The following MGAT5 variants were observed in gnomAD, a reference collection of about 807,000 sequenced individuals.
MGAT5 encodes alpha-1,6-mannosylglycoprotein 6-beta-N-acetylglucosaminyltransferase.
Under a neutral mutation model 94.3 loss-of-function variants are expected in MGAT5, and 30 were observed. The ratio of observed to expected loss-of-function variants is 0.32; its 90% CI spans 0.24 to 0.43. The LOEUF is 0.43. Among genes scored for constraint, MGAT5 ranks in the 20% least tolerant of loss-of-function variants. The pLI is 1.00. For synonymous variants in MGAT5, 310 were observed against 322.9 expected, an observed-to-expected ratio of 0.96 and a Z score of 0.43; for missense variants, 691 against 905.5, an observed-to-expected ratio of 0.76 and a Z score of 3.04.
At chr2:134,295,318 A>G (rs1455582878) in intron 2 of MGAT5, among the ~76,000 whole-genome samples, 2 of 152,140 alleles carry the variant, frequency 1.3e-5, no homozygotes, top group East Asian at 3.9e-4. Flanking sequence ...AGAAGTGACT[A>G]AGGTTGGCAG....
At chr2:134,177,883 G>C (rs1229000758) in intron 1 of MGAT5, among the ~76,000 whole-genome samples, 1 of 152,126 alleles carries the variant, frequency 6.6e-6, no homozygotes, top group African/African-American at 2.4e-5. Context: ...AGTAGTGCTC[G>C]GTTCTCAAAA....
intron 1 of MGAT5, among the ~76,000 whole-genome samples, chr2:134,202,272 C>T (rs906535349): frequency 2.6e-5 from 4 of 152,202 alleles, no homozygotes; most frequent in Non-Finnish European, 5.9e-5. Context: ...AGGTGTGGGG[C>T]CTTTCAGGCC....
chr2:134,280,560 C>T (rs1684628343), intron 2 of MGAT5, among the ~76,000 whole-genome samples: 1 of 152,242 alleles, frequency 6.6e-6, no homozygotes, highest in Non-Finnish European at 1.5e-5. Flanking sequence ...TCAACGTTTA[C>T]TGTGGAAACT....
chr2:134,221,533 G>A (rs1179280663), intron 1 of MGAT5, among the ~76,000 whole-genome samples: 1 of 152,156 alleles, frequency 6.6e-6, no homozygotes, highest in Non-Finnish European at 1.5e-5. Context: ...CTGGCTCTTA[G>A]TTGATTATCT....
chr2:134,126,031 G>A (rs534498902), intron 1 of MGAT5, among the ~76,000 whole-genome samples: 1 of 152,280 alleles, frequency 6.6e-6, no homozygotes, highest in East Asian at 1.9e-4. Context: ...TCTGATAATC[G>A]GTGCCTGTGA....
Position 134,429,518 on chromosome 2 carries a change from T to C in MGAT5, c.1869+1079T>C, listed in dbSNP as rs560522546. On this transcript the variant is annotated intron_variant, in intron 14 of 15. Coordinates refer to ENST00000281923, the MANE Select transcript of MGAT5 (RefSeq NM_002410.5). ...CTCTCTATGCCTTAGTTTCCTTGTCTGTAAAATAAGGATGATGCTAATAGG... is the reference window on the plus strand; with the variant it reads ...CTCTCTATGCCTTAGTTTCCTTGTCCGTAAAATAAGGATGATGCTAATAGG... Among the ~76,000 whole-genome samples, 19 of 152,334 alleles carry C rather than the reference T, an allele frequency of 1.2e-4. No homozygotes were observed. The South Asian group carries it at 3.9e-3, about 32-fold the overall frequency.
At chr2:134,125,061 T>C (rs927202044) in intron 1 of MGAT5, among the ~76,000 whole-genome samples, 3 of 152,170 alleles carry the variant, frequency 2.0e-5, no homozygotes, top group Non-Finnish European at 4.4e-5. Flanking sequence ...GAGTGTGTTA[T>C]GTTGGTGATC....
chr2:134,255,707 G>C lies in MGAT5; in HGVS notation c.241+1063G>C, dbSNP rs75731575. Among the ~76,000 whole-genome samples the C allele has an allele frequency of 4.8e-3, 732 of 152,236 alleles. 23 individuals carry two copies. The East Asian group carries it at 0.1, about 21-fold the overall frequency. On this transcript the variant is annotated intron_variant, in intron 1 of 15. Coordinates refer to ENST00000281923, the MANE Select transcript of MGAT5 (RefSeq NM_002410.5). ...TCTCACTGAAGTGGTCTCCCTGATA[G>C]TATAGATGAGATGCAAGAATGGGGT...
At chr2:134,279,921 A>G (rs1376493068) in intron 2 of MGAT5, among the ~76,000 whole-genome samples, 12 of 152,176 alleles carry the variant, frequency 7.9e-5, no homozygotes, top group Non-Finnish European at 1.8e-4. Context: ...AACTCACTGT[A>G]GAGCCTGAGA....
At chr2:134,248,009 C>G (rs574290676) in intron 1 of MGAT5, among the ~76,000 whole-genome samples, 1 of 152,176 alleles carries the variant, frequency 6.6e-6, no homozygotes, top group Non-Finnish European at 1.5e-5. Flanking sequence ...GCCCTGCCCC[C>G]CTAGAATTTT....
chr2:134,397,379 A>G (rs923893306), intron 10 of MGAT5, among the ~76,000 whole-genome samples: 3 of 152,172 alleles, frequency 2.0e-5, no homozygotes, highest in Non-Finnish European at 4.4e-5. Context: ...GTGTCTGACC[A>G]TGCTGGCTCC....
intron 1 of MGAT5, among the ~76,000 whole-genome samples, chr2:134,122,481 C>G (rs751358823): frequency 6.6e-6 from 1 of 152,120 alleles, no homozygotes; most frequent in Admixed American, 6.6e-5. Context: ...CCTCCATCAC[C>G]CTGCTTTTAA....
At chr2:134,149,647 A>T (rs906842713) in intron 1 of MGAT5, among the ~76,000 whole-genome samples, 9 of 152,260 alleles carry the variant, frequency 5.9e-5, no homozygotes, top group African/African-American at 2.2e-4. Flanking sequence ...TGTGCATTTC[A>T]TCTCAATTGC....
chr2:134,311,012 A>C (rs1686620260), intron 2 of MGAT5, among the ~76,000 whole-genome samples: 1 of 152,244 alleles, frequency 6.6e-6, no homozygotes, highest in South Asian at 2.1e-4. Context: ...CAGGTGTGCC[A>C]AGAGAAATGC....
At chr2:134,252,402 C>T, upstream of MGAT5, among the ~76,000 whole-genome samples, 1 of 152,150 alleles carries the variant, frequency 6.6e-6, no homozygotes, top group Admixed American at 6.5e-5. Context: ...GAGGTTGAGC[C>T]TCATTTTAAT....
intron 1 of MGAT5, among the ~76,000 whole-genome samples, chr2:134,156,779 A>G (rs1391926640): frequency 6.6e-6 from 1 of 152,080 alleles, no homozygotes; most frequent in Non-Finnish European, 1.5e-5. Context: ...GACATTCCTC[A>G]TGGGTTTCAG....
At chr2:134,390,061 T>G (rs1006306882) in intron 10 of MGAT5, among the ~76,000 whole-genome samples, 1 of 152,218 alleles carries the variant, frequency 6.6e-6, no homozygotes. Flanking sequence ...AGTTTGTTTT[T>G]GATTGTTGGA....
At chr2:134,270,639 A>C (rs1240221169) in intron 2 of MGAT5, 89 bp downstream of exon 2, 12 of 1,290,086 alleles carry the variant, frequency 9.3e-6, no homozygotes, top group Non-Finnish European at 1.3e-5. Context: ...TTCTTACTGG[A>C]ACCTGCATAA....
At chr2:134,359,828 G>A (rs1573911746) in intron 9 of MGAT5, among the ~76,000 whole-genome samples, 2 of 152,170 alleles carry the variant, frequency 1.3e-5, no homozygotes, top group African/African-American at 4.8e-5. Flanking sequence ...TAAGACCAGG[G>A]CGCTCTCGGC....
Sources: allele counts gnomAD v4.1 joint callset (sites outside exome capture counted in the v4.1 genomes callset), GRCh38; gene constraint gnomAD v4.1.1; transcripts MANE v1.5; gene names NCBI Gene and HGNC (gene_info 2026-07-23, HGNC 2026-07-21).